Variants in ANKRD40 observed in about 807,000 individuals in gnomAD.
The protein encoded by ANKRD40 is ankyrin repeat domain-containing protein 40.
In ANKRD40, 24 loss-of-function variants were observed where a neutral mutation model predicts 35.5. The observed-to-expected ratio is 0.68, with a 90% confidence interval of 0.49 to 0.95. The LOEUF (loss-of-function observed/expected upper bound fraction) is 0.95, where lower values mean the gene tolerates loss of function less well. Among genes scored for constraint, ANKRD40 ranks in the 40% least tolerant of loss-of-function variants. The probability of loss-of-function intolerance (pLI) is 0.00; values close to 1 mark genes in which losing one functional copy is unlikely to be tolerated. For synonymous variants in ANKRD40, 147 were observed against 173.5 expected (o/e 0.85, Z 1.20); for missense variants, 361 against 436.0 (o/e 0.83, Z 1.53).
At chr17:50,706,788 C>A in intron 1 of ANKRD40, among the ~76,000 whole-genome samples, 1 of 147,274 alleles carries the variant, frequency 6.8e-6, no homozygotes, top group African/African-American at 2.5e-5. Context: ...CCTGTATTCC[C>A]AGCTATTTGG....
Position 50,707,221 on chromosome 17 carries a change from C to T in ANKRD40, c.134+300G>A, listed in dbSNP as rs1968350972. ...TCCAACGCATAGTCGCTGAGAATCA[C>T]TGCCTCCAGCACCGCTCTGACCAAG... On this transcript the variant is annotated intron_variant, in intron 1 of 4. Transcript: ENST00000285243. This position sits in a 1 kb window ranked among gnomAD's most constrained non-coding sequence, Gnocchi z 4.8. Among the ~76,000 whole-genome samples, 1 of 152,204 alleles carries T rather than the reference C, an allele frequency of 6.6e-6. No homozygotes were observed. The highest frequency in any genetic ancestry group is 1.5e-5 in the Non-Finnish European group (1 of 68,028).
chr17:50,698,725 G>C (rs1968228707), intron 3 of ANKRD40, among the ~76,000 whole-genome samples: 1 of 152,110 alleles, frequency 6.6e-6, no homozygotes, highest in South Asian at 2.1e-4. Flanking sequence ...TAGTAGATGA[G>C]GGAATACAAA....
In ANKRD40 at chr17:50,694,209, C is replaced by T. The variant is rs147789707; in HGVS notation, c.*1788G>A. 5.1e-4 allele frequency: 77 copies of T among 151,494 alleles called. No homozygotes were observed. The highest frequency in any genetic ancestry group is 3.5e-3 in the Middle Eastern group (1 of 288). The allele number at this position is 151,494 out of a possible 1,614,324, so 9.4% of individuals were successfully genotyped here. A position where few individuals can be genotyped will look rare whatever the true frequency, so the allele number is the denominator to read the frequency against. On this transcript the variant is annotated 3_prime_UTR_variant, in exon 5 of 5. Coordinates refer to ENST00000285243, the MANE Select transcript of ANKRD40 (RefSeq NM_052855.4). The stretch of plus-strand genomic sequence containing the variant: ...GAAAGAGGGTAATAAGTAACCTTCA[C>T]TCTGCTATGCAAACACTGTACAAGG...
At chr17:50,696,818 A>G in intron 4 of ANKRD40, 122 bp downstream of exon 4, 1 of 991,220 alleles carries the variant, frequency 1.0e-6, no homozygotes, top group East Asian at 2.8e-5. Context: ...TACATTTGGA[A>G]AATCACTCTT....
chr17:50,694,499 T>G lies in ANKRD40; in HGVS notation c.*1498A>C, dbSNP rs940618708. The G allele has an allele frequency of 1.3e-5, 2 of 152,220 alleles. No individual in the cohort carries two copies. Among genetic ancestry groups the G allele is most frequent in the African/African-American group, 4.8e-5 (2 of 41,454 alleles). 9.4% of individuals were successfully genotyped at this position (152,220 alleles called of 1,614,324 possible). ...TAGGCACTATGGGGAAAAAGCTTCT[T>G]AAGACAGCAGGGATGCTCTTCGACA... is the stretch of plus-strand genomic sequence containing the variant. On this transcript the variant is annotated 3_prime_UTR_variant, in exon 5 of 5. Transcript: ENST00000285243.
intron 4 of ANKRD40, 120 bp from the exon 5 acceptor site, chr17:50,696,263 T>C (rs1414351150): frequency 1.7e-6 from 2 of 1,161,090 alleles, no homozygotes; most frequent in South Asian, 1.6e-5. Context: ...AAAAAATCCC[T>C]GTGGCAGGCT....
In ANKRD40 at chr17:50,699,562, C is replaced by A; in HGVS notation, c.615G>T (p.Pro205=). ...AILRTPESTK[P]GPVCQPPVSQ... ...TCACTGGTGGCTGACAAACAGGACC[C>A]GGTTTTGTGCTTTCTGGTGTTCTGA... The change falls in exon 3 of 5, where the codon CCG becomes CCT. Residue 205 remains proline (P), a synonymous_variant. Coordinates refer to ENST00000285243, the MANE Select transcript of ANKRD40 (RefSeq NM_052855.4). 1 of 1,614,178 alleles carries A rather than the reference C, an allele frequency of 6.2e-7. No homozygotes were observed. The highest frequency in any genetic ancestry group is 8.5e-7 in the Non-Finnish European group (1 of 1,180,038).
intron 2 of ANKRD40, 85 bp downstream of exon 2, chr17:50,700,483 G>A: frequency 1.9e-6 from 2 of 1,050,288 alleles, no homozygotes; most frequent in Non-Finnish European, 1.4e-6. Context: ...GCAGTTGTTT[G>A]ACCAGCATTA....
Position 50,707,751 on chromosome 17 carries a change from T to C in ANKRD40, c.-97A>G. 1 of 927,850 alleles carries C rather than the reference T, an allele frequency of 1.1e-6. No individual in the cohort carries two copies. Among genetic ancestry groups the C allele is most frequent in the Non-Finnish European group, 1.3e-6 (1 of 746,622 alleles). 57.5% of individuals were successfully genotyped at this position (927,850 alleles called of 1,614,324 possible). ...CGTCGCCGCGGCCCGCTCCCGGCCA[T>C]GGGGAGGGAGCGCGGAACTCGCCCG... On this transcript the variant is annotated 5_prime_UTR_variant, in exon 1 of 5. An upstream start codon of the reference 5' UTR is lost. Coordinates refer to ENST00000285243, the MANE Select transcript of ANKRD40 (RefSeq NM_052855.4). The surrounding 1 kb of genome is among the most constrained non-coding windows in gnomAD (Gnocchi z 4.8).
Position 50,707,758 on chromosome 17 carries a change from G to C in ANKRD40, c.-104C>G, listed in dbSNP as rs555537335. The C allele has an allele frequency of 1.3e-3, 1,103 of 878,064 alleles. 9 individuals carry two copies. The African/African-American group carries it at 0.017, about 14-fold the overall frequency. The allele number at this position is 878,064 out of a possible 1,614,324, so 54.4% of individuals were successfully genotyped here. On this transcript the variant is annotated 5_prime_UTR_variant, in exon 1 of 5. Transcript: ENST00000285243. This position sits in a 1 kb window ranked among gnomAD's most constrained non-coding sequence, Gnocchi z 4.8. ...GCGGCCCGCTCCCGGCCATGGGGAG[G>C]GAGCGCGGAACTCGCCCGCCCTGCT...
rs1968243666 is a variant in ANKRD40, at chr17:50,699,651, G to A, written c.526C>T (p.Pro176Ser). 1 of 1,614,224 alleles carries A rather than the reference G, an allele frequency of 6.2e-7. No homozygotes were observed. Among genetic ancestry groups the A allele is most frequent in the Non-Finnish European group, 8.5e-7 (1 of 1,180,038 alleles). ...AGTGCCAAAGAGGTGTGGTCCCGGG[G>A]AAAGGTCCCTAACAGGGGAGGTTCC... ...PGEPPLLGTF[P>S]RDHTSLALVQ... Residue 176 changes from proline to serine, a missense_variant, in exon 3 of 5, where the codon CCC (proline) becomes TCC (serine). Around this residue, in one of 5 missense-constraint regions of ANKRD40, gnomAD observed 172 missense variants for 174.0 expected, o/e 0.99. Coordinates refer to ENST00000285243, the MANE Select transcript of ANKRD40 (RefSeq NM_052855.4).
chr17:50,707,392 A>G lies in ANKRD40; in HGVS notation c.134+129T>C. ...CCAGGGCTGGCCTCAAGAGAGCACA[A>G]TCTCGGAGGCCCGAGGTGGCAGGCC... On this transcript the variant is annotated intron_variant, in intron 1 of 4. Transcript: ENST00000285243. This position sits in a 1 kb window ranked among gnomAD's most constrained non-coding sequence, Gnocchi z 4.8. 2.2e-6 allele frequency: 3 copies of G among 1,388,310 alleles called. No individual in the cohort carries two copies. Among genetic ancestry groups the G allele is most frequent in the Non-Finnish European group, 2.9e-6 (3 of 1,032,932 alleles). The allele number at this position is 1,388,310 out of a possible 1,614,324, so 86.0% of individuals were successfully genotyped here.
At chr17:50,697,328 C>T (rs74953676) in intron 3 of ANKRD40, among the ~76,000 whole-genome samples, 2,055 of 152,262 alleles carry the variant, frequency 0.013, 43 homozygotes, top group African/African-American at 0.047. Flanking sequence ...CCTGCACTGT[C>T]GTCCGTACTT....
At chr17:50,706,903 C>CAAAAAAAAAAAAAAAA (rs35024672) in intron 1 of ANKRD40, among the ~76,000 whole-genome samples, 22 of 37,970 alleles carry the variant, frequency 5.8e-4, no homozygotes, top group African/African-American at 7.9e-4. Context: ...GACCCTGTCT[C>CAAAAAAAAAAAAAAAA]AAAAAAAAAA....
chr17:50,693,598 A>G lies in ANKRD40; in HGVS notation c.*2399T>C, dbSNP rs8196. On this transcript the variant is annotated 3_prime_UTR_variant, in exon 5 of 5. Coordinates refer to ENST00000285243, the MANE Select transcript of ANKRD40 (RefSeq NM_052855.4). Reference sequence around the variant, plus strand: ...TTGCCTCTGTCGCTAAGCCCAGAACATGCCCTGCAGCTGCTCCTCTGGAGG... The same window carrying G: ...TTGCCTCTGTCGCTAAGCCCAGAACGTGCCCTGCAGCTGCTCCTCTGGAGG... The G allele has an allele frequency of 0.29, 44,248 of 152,158 alleles. 6,605 individuals carry two copies. The highest frequency in any genetic ancestry group is 0.35 in the Middle Eastern group (104 of 294). The allele number at this position is 152,158 out of a possible 1,614,324, so 9.4% of individuals were successfully genotyped here. A position where few individuals can be genotyped will look rare whatever the true frequency, so the allele number is the denominator to read the frequency against.
In ANKRD40 at chr17:50,707,733, G is replaced by A. The variant is rs879122681; in HGVS notation, c.-79C>T. ...GCCTGTCAGCGCCGCCGCCGTCGCC[G>A]CGGCCCGCTCCCGGCCATGGGGAGG... On this transcript the variant is annotated 5_prime_UTR_variant, in exon 1 of 5. Transcript: ENST00000285243. This position sits in a 1 kb window ranked among gnomAD's most constrained non-coding sequence, Gnocchi z 4.8. The A allele has an allele frequency of 1.7e-5, 19 of 1,093,850 alleles. 1 individual carries two copies. The South Asian group carries it at 6.9e-4, about 39-fold the overall frequency. 67.8% of individuals were successfully genotyped at this position (1,093,850 alleles called of 1,614,324 possible).
At position 50,695,960 on chromosome 17, in the gene ANKRD40, A is replaced by G. The variant is rs750108825; in HGVS notation, c.*37T>C. ...TGTCCTTGGCCCAGAGGTGATGCAC[A>G]CTGTCATAATACTCAGTGATAAAAG... On this transcript the variant is annotated 3_prime_UTR_variant, in exon 5 of 5. Coordinates refer to ENST00000285243, the MANE Select transcript of ANKRD40 (RefSeq NM_052855.4). 37 of 1,607,950 alleles carry G rather than the reference A, an allele frequency of 2.3e-5. No homozygotes were observed. Among genetic ancestry groups the G allele is most frequent in the Non-Finnish European group, 2.9e-5 (34 of 1,176,298 alleles).
intron 3 of ANKRD40, among the ~76,000 whole-genome samples, chr17:50,697,982 T>G (rs548739675): frequency 6.6e-6 from 1 of 152,354 alleles, no homozygotes; most frequent in Admixed American, 6.5e-5. Context: ...TTTTAAAAAG[T>G]TATACATAGA....
At chr17:50,700,458 A>G (rs983023520) in intron 2 of ANKRD40, 110 bp downstream of exon 2, 2 of 1,077,246 alleles carry the variant, frequency 1.9e-6, no homozygotes, top group African/African-American at 1.6e-5. Context: ...AAAAAAAAAA[A>G]AAGAAAGAAA....
Sources: gnomAD v4.1 joint callset for allele counts (sites outside exome capture counted in the v4.1 genomes callset) on GRCh38, gnomAD v4.1.1 for gene constraint, gnomAD v4.1.1 regional missense constraint, Gnocchi (gnomAD v3.1) non-coding constraint, MANE v1.5 for transcripts, NCBI Gene and HGNC (gene_info 2026-07-23, HGNC 2026-07-21) for gene names.